Variants in LRPPRC observed in about 807,000 individuals in gnomAD.
LRPPRC encodes leucine rich pentatricopeptide repeat containing, also known as leucine-rich PPR motif-containing protein, mitochondrial.
Under a neutral mutation model 180.3 loss-of-function variants are expected in LRPPRC, and 120 were observed. That is an observed-to-expected ratio of 0.67 (90% confidence interval 0.57 to 0.77). The LOEUF is 0.77. Ranked by LOEUF, LRPPRC falls within the 30% of genes least tolerant of loss-of-function variation. LRPPRC has a pLI of 0.00. For missense variants in LRPPRC, 2,012 were observed against 1,657.2 expected (o/e 1.21, Z -3.72); for synonymous variants, 723 against 600.0 (o/e 1.21, Z -3.00).
At chr2:43,954,456 CTTGT>C (rs1318824223) in intron 14 of LRPPRC, among the ~76,000 whole-genome samples, 1 of 152,182 alleles carries the variant, frequency 6.6e-6, no homozygotes, top group Non-Finnish European at 1.5e-5. Context: ...ATGTCTAATA[CTTGT>C]AAGTTTGCAG....
chr2:43,895,400 T>C (rs186724646), intron 35 of LRPPRC, among the ~76,000 whole-genome samples: 98 of 152,316 alleles, frequency 6.4e-4, no homozygotes, highest in African/African-American at 2.2e-3. Context: ...CTTCTTCTAT[T>C]TTAAACTGTC....
intron 1 of LRPPRC, among the ~76,000 whole-genome samples, chr2:43,988,035 G>A (rs537534595): frequency 4.6e-5 from 7 of 152,036 alleles, no homozygotes; most frequent in Middle Eastern, 3.2e-3. Context: ...CTTGAAGTCC[G>A]TTCGAGACCA....
intron 3 of LRPPRC, among the ~76,000 whole-genome samples, 154 bp downstream of exon 3, chr2:43,979,672 A>C (rs905172362): frequency 1.6e-4 from 24 of 152,232 alleles, no homozygotes; most frequent in African/African-American, 5.3e-4. Flanking sequence ...CCTAGATGTC[A>C]CTATACCTCA....
At chr2:43,980,726 C>T (rs1411850078) in intron 2 of LRPPRC, among the ~76,000 whole-genome samples, 1 of 152,160 alleles carries the variant, frequency 6.6e-6, no homozygotes, top group African/African-American at 2.4e-5. Flanking sequence ...TCCCTGAAAG[C>T]TGACTTTAAA....
chr2:43,947,917 T>C, intron 18 of LRPPRC, 142 bp from the exon 19 acceptor site: 1 of 672,988 alleles, frequency 1.5e-6, no homozygotes. Context: ...CTTCATACTT[T>C]ATTAATCAAT....
chr2:43,897,964 A>C (rs966056658), intron 34 of LRPPRC, among the ~76,000 whole-genome samples: 1 of 152,050 alleles, frequency 6.6e-6, no homozygotes, highest in Non-Finnish European at 1.5e-5. Flanking sequence ...ATATGAAGAT[A>C]AAGCATGAGT....
Position 43,925,876 on chromosome 2 carries a change from C to A in LRPPRC, c.2805+17G>T. The A allele has an allele frequency of 6.3e-7, 1 of 1,586,048 alleles. No homozygotes were observed. The highest frequency in any genetic ancestry group is 8.7e-7 in the Non-Finnish European group (1 of 1,154,444). On this transcript the variant is annotated intron_variant, in intron 26 of 37. Transcript: ENST00000260665. ...TCACACTTTTAGGTGATTGAGACAT[C>A]TGAATCAAATACAAACCTGATTATT...
chr2:43,966,984 G>A (rs1472962282), intron 11 of LRPPRC, among the ~76,000 whole-genome samples: 1 of 152,114 alleles, frequency 6.6e-6, no homozygotes, highest in African/African-American at 2.4e-5. Context: ...CCAGAGGGCA[G>A]AAGTTGCAGT....
chr2:43,971,485 T>TAAAAAAAAAAAAAAAAAAAAA (rs528659622), intron 11 of LRPPRC, among the ~76,000 whole-genome samples: 10 of 62,374 alleles, frequency 1.6e-4, no homozygotes, highest in African/African-American at 2.4e-4. Context: ...TGTGTCACAG[T>TAAAAAAAAAAAAAAAAAAAAA]AAAAAAAAAA....
intron 29 of LRPPRC, among the ~76,000 whole-genome samples, chr2:43,915,009 A>C (rs1440138481): frequency 6.9e-6 from 1 of 144,462 alleles, no homozygotes; most frequent in Non-Finnish European, 1.5e-5. Context: ...GGAGTTTGAC[A>C]CCAGCCTGGC....
intron 11 of LRPPRC, among the ~76,000 whole-genome samples, chr2:43,965,883 A>G (rs942188507): frequency 2.0e-5 from 3 of 152,330 alleles, no homozygotes; most frequent in South Asian, 2.1e-4. Flanking sequence ...GTGAGGATGG[A>G]GAGAAAGGGA....
rs764078634 is a variant in LRPPRC at position 43,995,911 on chromosome 2, G to C, written c.37C>G (p.Arg13Gly). 11 of 1,516,242 alleles carry C rather than the reference G, an allele frequency of 7.3e-6. No individual in the cohort carries two copies. The highest frequency in any genetic ancestry group is 9.7e-6 in the Non-Finnish European group (11 of 1,139,612). 93.9% of individuals were successfully genotyped at this position (1,516,242 alleles called of 1,614,324 possible). A position where few individuals can be genotyped will look rare whatever the true frequency, so the allele number is the denominator to read the frequency against. Residue 13 changes from arginine (R) to glycine (G), a missense_variant, in exon 1 of 38, where the codon CGT becomes GGT. Transcript: ENST00000260665. Reference sequence around the variant, plus strand: ...GGGAGGCGCGGGGCCGCCCCGGCACGCAGCAACCAACGCGCGGATCTCAGC... The same window carrying C: ...GGGAGGCGCGGGGCCGCCCCGGCACCCAGCAACCAACGCGCGGATCTCAGC... ...ALLRSARWLL[R>G]AGAAPRLPLS...
Position 43,886,338 on chromosome 2 carries a change from T to A in LRPPRC, c.*2262A>T, listed in dbSNP as rs1670270311. Among the ~76,000 whole-genome samples the A allele has an allele frequency of 6.6e-6, 1 of 152,208 alleles. No homozygotes were observed. The highest frequency in any genetic ancestry group is 1.5e-5 in the Non-Finnish European group (1 of 68,048). On this transcript the variant is annotated 3_prime_UTR_variant, in exon 38 of 38. Transcript: ENST00000260665. ...TAGTTCTCAATAGTTTACAGTGACA[T>A]CTTTTTTAGAATTAGCTGCTTATAA...
At chr2:43,910,273 A>C (rs1671210441) in intron 30 of LRPPRC, among the ~76,000 whole-genome samples, 1 of 149,698 alleles carries the variant, frequency 6.7e-6, no homozygotes, top group Non-Finnish European at 1.5e-5. Context: ...TTGCTCTGTC[A>C]CACAGGCTGG....
chr2:43,897,511 A>G (rs369921822), intron 34 of LRPPRC, among the ~76,000 whole-genome samples: 1 of 152,166 alleles, frequency 6.6e-6, no homozygotes, highest in East Asian at 1.9e-4. Context: ...TACATTACGC[A>G]CTGATGTTTT....
chr2:43,954,872 GTGT>G (rs1673043628), intron 14 of LRPPRC, among the ~76,000 whole-genome samples: 5 of 152,262 alleles, frequency 3.3e-5, no homozygotes, highest in Admixed American at 2.0e-4. Flanking sequence ...TGTTCATGTA[GTGT>G]TGTTAAGTGA....
Position 43,973,793 on chromosome 2 carries a change from A to T in LRPPRC, c.1261+2T>A. 1 of 1,611,086 alleles carries T rather than the reference A, an allele frequency of 6.2e-7. No individual in the cohort carries two copies. Among genetic ancestry groups the T allele is most frequent in the Non-Finnish European group, 8.5e-7 (1 of 1,177,208 alleles). On this transcript the variant is annotated splice_donor_variant, in intron 10 of 37. Coordinates refer to ENST00000260665, the MANE Select transcript of LRPPRC (RefSeq NM_133259.4). LOFTEE classifies it high-confidence loss of function. Reference sequence around the variant, plus strand: ...TTGGCTTTAACTTTAAGAATGTAGTACCAGTTTTATTGGCGAGTAAAGCAC... The same window carrying T: ...TTGGCTTTAACTTTAAGAATGTAGTTCCAGTTTTATTGGCGAGTAAAGCAC...
At chr2:43,959,177 CTCTGCTAATGCT>C in intron 13 of LRPPRC, 7 of 715,526 alleles carry the variant, frequency 9.8e-6, no homozygotes, top group Non-Finnish European at 1.8e-5. Flanking sequence ...GCCCAGATTC[CTCTGCTAATGCT>C]TCTCTGTTTT....
intron 25 of LRPPRC, 152 bp from the exon 26 acceptor site, chr2:43,926,113 T>C (rs1671869291): frequency 3.4e-6 from 2 of 582,674 alleles, no homozygotes; most frequent in Non-Finnish European, 6.1e-6. Context: ...ATACAATCTA[T>C]ATACTAAATT....
Sources: gnomAD v4.1 joint callset for allele counts (sites outside exome capture counted in the v4.1 genomes callset) on GRCh38, gnomAD v4.1.1 for gene constraint, MANE v1.5 for transcripts, NCBI Gene and HGNC (gene_info 2026-07-23, HGNC 2026-07-21) for gene names.